Variants in TEX9 observed in about 807,000 individuals in gnomAD.
TEX9 encodes testis expressed 9.
Under a neutral mutation model 59.6 loss-of-function variants are expected in TEX9, and 74 were observed. The observed-to-expected ratio is 1.24, with a 90% confidence interval of 1.03 to 1.51. TEX9 has a LOEUF of 1.51. Ranked by LOEUF, TEX9 falls within the 40% of genes most tolerant of loss-of-function variation. TEX9 has a pLI of 0.00. For synonymous variants in TEX9, 186 were observed against 152.2 expected (o/e 1.22, Z -1.64); for missense variants, 522 against 447.8 (o/e 1.17, Z -1.49).
intron 1 of TEX9, among the ~76,000 whole-genome samples, chr15:56,267,278 G>C (rs1289573994): frequency 1.3e-5 from 2 of 152,256 alleles, no homozygotes; most frequent in Admixed American, 6.5e-5. Flanking sequence ...TCTGTAGGTT[G>C]CCTGTTCACT....
intron 10 of TEX9, among the ~76,000 whole-genome samples, chr15:56,426,624 T>TACAC (rs1276356879): frequency 5.5e-4 from 23 of 41,574 alleles, no homozygotes; most frequent in African/African-American, 1.1e-3. Context: ...TATATATATA[T>TACAC]ATACACACAC....
intron 1 of TEX9, among the ~76,000 whole-genome samples, chr15:56,301,995 A>T (rs1215855348): frequency 6.6e-6 from 1 of 152,224 alleles, no homozygotes; most frequent in Non-Finnish European, 1.5e-5. Context: ...TAAAAGACAT[A>T]GTATAATAAA....
At chr15:56,436,363 G>A (rs980377167) in intron 12 of TEX9, among the ~76,000 whole-genome samples, 7 of 152,076 alleles carry the variant, frequency 4.6e-5, no homozygotes, top group African/African-American at 9.7e-5. Flanking sequence ...ACTACTGGAT[G>A]CATAACGAAA....
At position 56,328,229 on chromosome 15, in the gene TEX9, C is replaced by T. The variant is rs549116516; in HGVS notation, c.-106-45212C>T. ...CTTCTGGATGACATTTCTAGACACA[C>T]CCTGGGCCAAAACGGAACCTGCTGC... is the stretch of plus-strand genomic sequence containing the variant. On this transcript the variant is annotated intron_variant, in intron 1 of 5. Transcript: ENST00000560827. Among the ~76,000 whole-genome samples the T allele has an allele frequency of 1.3e-4, 20 of 152,054 alleles. 2 individuals are homozygous for T. In the South Asian group the frequency reaches 4.2e-3, roughly 32 times the overall value.
chr15:56,249,254 A>C (rs1338508278), intron 1 of TEX9: 1 of 152,156 alleles, frequency 6.6e-6, no homozygotes, highest in Non-Finnish European at 1.5e-5. Context: ...AAGTTGTCTG[A>C]CAAGAGCTCT....
chr15:56,413,197 A>G (rs1260666838), intron 10 of TEX9, among the ~76,000 whole-genome samples: 1 of 145,630 alleles, frequency 6.9e-6, no homozygotes, highest in Non-Finnish European at 1.5e-5. Flanking sequence ...ATAATTAAAT[A>G]TTTAATATTT....
chr15:56,373,271 A>C (rs1324503279), intron 2 of TEX9, among the ~76,000 whole-genome samples, 170 bp from the exon 3 acceptor site: 1 of 152,240 alleles, frequency 6.6e-6, no homozygotes, highest in East Asian at 1.9e-4. Flanking sequence ...AGGAGGAATC[A>C]TGGGGAGTTG....
intron 1 of TEX9, among the ~76,000 whole-genome samples, chr15:56,328,329 G>A (rs1265660432): frequency 6.6e-6 from 1 of 152,104 alleles, no homozygotes; most frequent in Admixed American, 6.5e-5. Context: ...TGAATAACCA[G>A]CAGTGACACC....
Position 56,418,873 on chromosome 15 carries a change from A to G in TEX9, c.963+6437A>G, listed in dbSNP as rs374802201. Among the ~76,000 whole-genome samples, 266 of 152,036 alleles carry G rather than the reference A, an allele frequency of 1.7e-3. 8 individuals carry two copies. Among genetic ancestry groups the G allele is most frequent in the African/African-American group, 6.1e-3 (253 of 41,298 alleles). On this transcript the variant is annotated intron_variant, in intron 10 of 12. Transcript: ENST00000352903. Reference sequence around the variant, plus strand: ...TAAATGCCTTTTTTAAAAACATCCAATGAGCATTTATTATAACACAACTGG... The same window carrying G: ...TAAATGCCTTTTTTAAAAACATCCAGTGAGCATTTATTATAACACAACTGG...
chr15:56,421,280 T>C (rs35470681), intron 10 of TEX9, among the ~76,000 whole-genome samples: 46,090 of 151,668 alleles, frequency 0.3, 8,007 homozygotes, highest in Middle Eastern at 0.47. Context: ...CTTGAATGAA[T>C]TGACCTCTTA....
intron 1 of TEX9, among the ~76,000 whole-genome samples, chr15:56,259,280 A>C (rs1419491897): frequency 2.0e-5 from 3 of 152,060 alleles, no homozygotes; most frequent in African/African-American, 7.2e-5. Flanking sequence ...ACAACAGCAG[A>C]GTTAAGTAGT....
chr15:56,327,548 C>T (rs1210006699), intron 1 of TEX9, among the ~76,000 whole-genome samples: 1 of 152,084 alleles, frequency 6.6e-6, no homozygotes, highest in South Asian at 2.1e-4. Flanking sequence ...AAAAATCAAG[C>T]GAGTACTAAC....
At chr15:56,305,900 A>G (rs1215125762) in intron 1 of TEX9, among the ~76,000 whole-genome samples, 1 of 152,236 alleles carries the variant, frequency 6.6e-6, no homozygotes, top group Non-Finnish European at 1.5e-5. Context: ...ACCAGAATAT[A>G]TAAGAAGGTC....
chr15:56,426,608 T>C (rs1455775110), intron 10 of TEX9, among the ~76,000 whole-genome samples: 1 of 37,882 alleles, frequency 2.6e-5, no homozygotes, highest in Non-Finnish European at 5.5e-5. Context: ...TATATATATA[T>C]ATATATATAT....
At chr15:56,360,197 TA>T (rs1313351864) in intron 1 of TEX9, among the ~76,000 whole-genome samples, 1 of 152,300 alleles carries the variant, frequency 6.6e-6, no homozygotes, top group East Asian at 1.9e-4. Flanking sequence ...AGTTTTCCTA[TA>T]ATGTCTTTAA....
At chr15:56,440,685 T>C (rs77802594) in intron 12 of TEX9, among the ~76,000 whole-genome samples, 6,733 of 152,146 alleles carry the variant, frequency 0.044, 223 homozygotes, top group Admixed American at 0.088. Flanking sequence ...TTCCAGGAAA[T>C]TATGCTGAAT....
intron 1 of TEX9, among the ~76,000 whole-genome samples, chr15:56,281,404 T>G (rs1226522107): frequency 6.6e-6 from 1 of 152,232 alleles, no homozygotes; most frequent in East Asian, 1.9e-4. Context: ...GCCTCCTGTC[T>G]GATCAGCCAT....
chr15:56,351,709 TGAACTAAAAAA>T (rs1233455375), intron 1 of TEX9, among the ~76,000 whole-genome samples: 2 of 152,198 alleles, frequency 1.3e-5, no homozygotes, highest in African/African-American at 2.4e-5. Context: ...ACCATAATAT[TGAACTAAAAAA>T]ATTCTAGTTT....
At chr15:56,456,779 G>A in the TEX9 span, among the ~76,000 whole-genome samples, 3 of 151,902 alleles carry the variant, frequency 2.0e-5, no homozygotes, top group Admixed American at 6.6e-5. Flanking sequence ...AAAAATTGTC[G>A]ACATTCTGCT....
Sources: allele counts gnomAD v4.1 joint callset (sites outside exome capture counted in the v4.1 genomes callset), GRCh38; gene constraint gnomAD v4.1.1; transcripts MANE v1.5; gene names NCBI Gene and HGNC (gene_info 2026-07-23, HGNC 2026-07-21).